PHYHIPL: variants seen among roughly 807,000 people sequenced by gnomAD.
The protein encoded by PHYHIPL is phytanoyl-CoA hydroxylase-interacting protein-like.
In PHYHIPL, 9 loss-of-function variants were observed where a neutral mutation model predicts 33.4. The ratio of observed to expected loss-of-function variants is 0.27; its 90% CI spans 0.16 to 0.47. The LOEUF (loss-of-function observed/expected upper bound fraction) is 0.47, where lower values mean the gene tolerates loss of function less well. PHYHIPL is among the 20% of genes least tolerant of loss of function. The pLI is 0.99. For synonymous variants in PHYHIPL, 153 were observed against 154.1 expected (o/e 0.99, Z 0.05); for missense variants, 365 against 460.7 (o/e 0.79, Z 1.90).
chr10:59,175,931 C>A (rs1327009205), upstream of PHYHIPL, among the ~76,000 whole-genome samples: 1 of 152,230 alleles, frequency 6.6e-6, no homozygotes, highest in Non-Finnish European at 1.5e-5. Flanking sequence ...GGCTGCTGGC[C>A]CCGCAGCATG....
At chr10:59,180,313 AGTATATATATAT>A (rs1838374232) in intron 1 of PHYHIPL, among the ~76,000 whole-genome samples, 3 of 50,576 alleles carry the variant, frequency 5.9e-5, no homozygotes, top group African/African-American at 1.9e-4. Flanking sequence ...ATATAGAAAA[AGTATATATATAT>A]ATATATATAT....
intron 4 of PHYHIPL, among the ~76,000 whole-genome samples, chr10:59,242,920 C>G (rs2133303438): frequency 6.6e-6 from 1 of 152,140 alleles, no homozygotes; most frequent in Non-Finnish European, 1.5e-5. Context: ...GAGACTATAG[C>G]AGATCTAATA....
At chr10:59,194,080 GTTT>G (rs778292956) in intron 1 of PHYHIPL, among the ~76,000 whole-genome samples, 3 of 111,474 alleles carry the variant, frequency 2.7e-5, no homozygotes, top group Non-Finnish European at 3.7e-5. Context: ...TTACCTATAT[GTTT>G]TTTTTTTTTT....
At chr10:59,230,176 T>C (rs1429260205) in intron 1 of PHYHIPL, among the ~76,000 whole-genome samples, 1 of 151,948 alleles carries the variant, frequency 6.6e-6, no homozygotes, top group African/African-American at 2.4e-5. Flanking sequence ...TGCTTATGCA[T>C]CTTCCTAAAT....
chr10:59,174,100 G>C (rs1413460172), upstream of PHYHIPL, among the ~76,000 whole-genome samples: 1 of 151,708 alleles, frequency 6.6e-6, no homozygotes, highest in Non-Finnish European at 1.5e-5. Context: ...TATCTTCCCA[G>C]ATATCTGAGA....
intron 1 of PHYHIPL, among the ~76,000 whole-genome samples, chr10:59,180,894 A>G (rs1213645987): frequency 6.6e-6 from 1 of 152,180 alleles, no homozygotes; most frequent in African/African-American, 2.4e-5. Context: ...TGAAGCAGAC[A>G]TCTAAGAGGA....
At chr10:59,174,695 T>C (rs1232609713), upstream of PHYHIPL, among the ~76,000 whole-genome samples, 1 of 152,178 alleles carries the variant, frequency 6.6e-6, no homozygotes, top group Non-Finnish European at 1.5e-5. Context: ...CATGCTAATT[T>C]CCTATTTAAA....
At chr10:59,202,800 T>C (rs1839158825) in intron 1 of PHYHIPL, among the ~76,000 whole-genome samples, 1 of 152,214 alleles carries the variant, frequency 6.6e-6, no homozygotes, top group Non-Finnish European at 1.5e-5. Context: ...AGTTTGTCCA[T>C]TTCTGAAGCT....
intron 3 of PHYHIPL, among the ~76,000 whole-genome samples, chr10:59,237,383 TG>T (rs1256892718): frequency 6.6e-6 from 1 of 151,950 alleles, no homozygotes; most frequent in Non-Finnish European, 1.5e-5. Context: ...TATCTCTACC[TG>T]AGTACTCCTG....
chr10:59,177,829 G>T (rs1589252885), intron 1 of PHYHIPL, among the ~76,000 whole-genome samples: 1 of 152,182 alleles, frequency 6.6e-6, no homozygotes, highest in African/African-American at 2.4e-5. Flanking sequence ...CATTTGTAAA[G>T]AAATCATTTG....
At chr10:59,193,242 T>A (rs542074718) in intron 1 of PHYHIPL, among the ~76,000 whole-genome samples, 2 of 152,270 alleles carry the variant, frequency 1.3e-5, no homozygotes, top group Admixed American at 1.3e-4. Flanking sequence ...GCAGTTAACA[T>A]GGAAGAAATA....
At chr10:59,212,285 T>C (rs574118559) in intron 1 of PHYHIPL, among the ~76,000 whole-genome samples, 1 of 152,358 alleles carries the variant, frequency 6.6e-6, no homozygotes, top group South Asian at 2.1e-4. Flanking sequence ...AGGTATTCTG[T>C]TATAAGCAAC....
chr10:59,196,069 A>G (rs1054273952), intron 1 of PHYHIPL, among the ~76,000 whole-genome samples: 1 of 152,126 alleles, frequency 6.6e-6, no homozygotes, highest in Admixed American at 6.6e-5. Flanking sequence ...GTACATACAG[A>G]TAGTGATGTA....
intron 1 of PHYHIPL, among the ~76,000 whole-genome samples, chr10:59,211,461 C>T (rs1312320478): frequency 2.6e-5 from 4 of 152,128 alleles, no homozygotes; most frequent in Middle Eastern, 6.8e-3. Flanking sequence ...ACTGCATCCT[C>T]TGCCTCCCAG....
intron 1 of PHYHIPL, among the ~76,000 whole-genome samples, chr10:59,187,287 A>G (rs1008609790): frequency 6.6e-6 from 1 of 152,186 alleles, no homozygotes; most frequent in African/African-American, 2.4e-5. Context: ...CGTATGTTGA[A>G]CCAGCCTTGC....
At chr10:59,242,805 C>CAA (rs1840450008) in intron 4 of PHYHIPL, among the ~76,000 whole-genome samples, 1 of 151,636 alleles carries the variant, frequency 6.6e-6, no homozygotes, top group Admixed American at 6.6e-5. Flanking sequence ...TTCAAGAGGA[C>CAA]AAAGAGAAAA....
chr10:59,206,770 T>TA, intron 1 of PHYHIPL: 1 of 1,232,978 alleles, frequency 8.1e-7, no homozygotes, highest in Non-Finnish European at 1.0e-6. Flanking sequence ...TTGAAGAACT[T>TA]ACATCCAAAC....
In PHYHIPL at chr10:59,185,379, G is replaced by A. The variant is rs1641627446; in HGVS notation, c.106+8420G>A. Among the ~76,000 whole-genome samples the A allele has an allele frequency of 3.3e-5, 5 of 152,288 alleles. No homozygotes were observed. The South Asian group carries it at 1.0e-3, about 32-fold the overall frequency. On this transcript the variant is annotated intron_variant, in intron 1 of 4. Coordinates refer to ENST00000373880, the MANE Select transcript of PHYHIPL (RefSeq NM_032439.4). ...CAGTCTATCATTGTTGGACATTTGGGTTGGTTCCAAGTCTTTGCTATTGTG... is the reference window on the plus strand; with the variant it reads ...CAGTCTATCATTGTTGGACATTTGGATTGGTTCCAAGTCTTTGCTATTGTG...
chr10:59,219,200 C>T (rs1323841207), intron 1 of PHYHIPL: 2 of 889,710 alleles, frequency 2.2e-6, no homozygotes, highest in Non-Finnish European at 2.7e-6. Context: ...TGCATATATT[C>T]ATAAAAATAA....
Sources: gnomAD v4.1 joint callset for allele counts (sites outside exome capture counted in the v4.1 genomes callset) on GRCh38, gnomAD v4.1.1 for gene constraint, MANE v1.5 for transcripts, NCBI Gene and HGNC (gene_info 2026-07-23, HGNC 2026-07-21) for gene names.